Variants in WDR72 observed in about 807,000 individuals in gnomAD.
The protein encoded by WDR72 is WD repeat domain 72.
A neutral mutation model predicts 124.2 loss-of-function variants in WDR72; 120 were observed. That is an observed-to-expected ratio of 0.97 (90% CI 0.83 to 1.12). The LOEUF (loss-of-function observed/expected upper bound fraction) is 1.12. Ranked by LOEUF, WDR72 falls within the 50% of genes most tolerant of loss-of-function variation. The probability of loss-of-function intolerance (pLI) is 0.00; values close to 1 mark genes in which losing one functional copy is unlikely to be tolerated. For synonymous variants in WDR72, 452 were observed against 441.7 expected, an observed-to-expected ratio of 1.02 and a Z score of -0.29; for missense variants, 1,387 against 1,278.8, an observed-to-expected ratio of 1.08 and a Z score of -1.29.
At chr15:53,735,688 T>C (rs1473418388) in intron 1 of WDR72, among the ~76,000 whole-genome samples, 2 of 152,140 alleles carry the variant, frequency 1.3e-5, no homozygotes, top group Admixed American at 1.3e-4. Context: ...TTAGCCCCAG[T>C]AGCAAATAAT....
In WDR72 at chr15:53,705,922, C is replaced by T. The variant is rs753187035; in HGVS notation, c.1102+5G>A. 10 of 1,613,900 alleles carry T rather than the reference C, an allele frequency of 6.2e-6. No homozygotes were observed. The Admixed American group carries it at 1.3e-4, about 22-fold the overall frequency. On this transcript the variant is annotated splice_donor_5th_base_variant and intron_variant, in intron 10 of 19. Coordinates refer to ENST00000360509, the MANE Select transcript of WDR72 (RefSeq NM_182758.4). Reference sequence around the variant, plus strand: ...ACATGTTACTAGAAAAGGAAACTGACTTACCTCTAGGAGAACCATCAAACT... The same window carrying T: ...ACATGTTACTAGAAAAGGAAACTGATTTACCTCTAGGAGAACCATCAAACT...
chr15:53,718,813 A>C (rs1043337486), intron 3 of WDR72, among the ~76,000 whole-genome samples: 7 of 150,372 alleles, frequency 4.7e-5, no homozygotes, highest in African/African-American at 1.7e-4. Flanking sequence ...TAAAAACCTT[A>C]AGATTTTTAA....
At chr15:53,548,561 AT>A (rs1399898218) in intron 18 of WDR72, among the ~76,000 whole-genome samples, 1 of 152,050 alleles carries the variant, frequency 6.6e-6, no homozygotes, top group African/African-American at 2.4e-5. Context: ...GGCAATGGGA[AT>A]TGGGGTGAGG....
rs1184995027 is a variant in WDR72, at chr15:53,665,753, T to C, written c.1781A>G (p.His594Arg). 6.2e-6 allele frequency: 10 copies of C among 1,613,652 alleles called. No homozygotes were observed. Among genetic ancestry groups the C allele is most frequent in the East Asian group, 2.2e-5 (1 of 44,878 alleles). ...AATTCGTGCTCTTTCTCCTGTCTCATGTCTTTCCAAAGTGCCTGGAAAACA... is the reference window on the plus strand; with the variant it reads ...AATTCGTGCTCTTTCTCCTGTCTCACGTCTTTCCAAAGTGCCTGGAAAACA... ...WEIETGTLER[H>R]ETGERARIIL... The change falls in exon 14 of 20, where the codon CAT becomes CGT. Residue 594 changes from histidine (H) to arginine (R), a missense_variant. Transcript: ENST00000360509.
chr15:53,724,491 A>T (rs1352384628), intron 2 of WDR72, among the ~76,000 whole-genome samples: 1 of 152,202 alleles, frequency 6.6e-6, no homozygotes, highest in Non-Finnish European at 1.5e-5. Context: ...GAAACTTACA[A>T]TCATGGTGGA....
At chr15:53,623,942 T>C (rs1003146809) in intron 14 of WDR72, among the ~76,000 whole-genome samples, 2 of 152,224 alleles carry the variant, frequency 1.3e-5, no homozygotes, top group Non-Finnish European at 2.9e-5. Flanking sequence ...ACTAGTGATG[T>C]TGAGCATCTT....
chr15:53,732,978 A>G lies in WDR72; in HGVS notation c.153+19T>C. Reference sequence around the variant, plus strand: ...TTTTGTGAGTGGTGTCTGTTTCAATATCAGTAGCTTTCACTAACCTTTAGT... The same window carrying G: ...TTTTGTGAGTGGTGTCTGTTTCAATGTCAGTAGCTTTCACTAACCTTTAGT... On this transcript the variant is annotated intron_variant, in intron 2 of 19. Transcript: ENST00000360509. The G allele has an allele frequency of 1.2e-6, 2 of 1,614,006 alleles. No individual in the cohort carries two copies. Among genetic ancestry groups the G allele is most frequent in the Non-Finnish European group, 1.7e-6 (2 of 1,179,908 alleles).
chr15:53,651,762 C>G (rs2015249412), intron 14 of WDR72, among the ~76,000 whole-genome samples: 1 of 152,156 alleles, frequency 6.6e-6, no homozygotes, highest in Non-Finnish European at 1.5e-5. Flanking sequence ...AAGCAATTCT[C>G]CTGTCTCAGC....
At chr15:53,523,436 T>C in intron 18 of WDR72, 114 bp from the exon 19 acceptor site, 1 of 940,388 alleles carries the variant, frequency 1.1e-6, no homozygotes, top group South Asian at 1.3e-5. Context: ...AGGGACACAC[T>C]ATGTAAACAC....
At chr15:53,733,470 C>G (rs1327936501) in intron 1 of WDR72, among the ~76,000 whole-genome samples, 2 of 152,170 alleles carry the variant, frequency 1.3e-5, no homozygotes, top group Non-Finnish European at 2.9e-5. Flanking sequence ...CAACTTGCTG[C>G]AAAGTCCTGC....
chr15:53,573,649 G>A (rs1287864431), intron 18 of WDR72, among the ~76,000 whole-genome samples: 3 of 151,924 alleles, frequency 2.0e-5, no homozygotes, highest in South Asian at 2.1e-4. Context: ...GTGTTCAAGC[G>A]ATGCTCCTGC....
intron 18 of WDR72, among the ~76,000 whole-genome samples, chr15:53,548,232 A>G (rs1417983434): frequency 6.6e-6 from 1 of 152,236 alleles, no homozygotes; most frequent in Non-Finnish European, 1.5e-5. Context: ...GCACTGAACC[A>G]TATACCTGTT....
chr15:53,616,100 G>C lies in WDR72; in HGVS notation c.2106C>G (p.Asp702Glu). 1 of 1,605,432 alleles carries C rather than the reference G, an allele frequency of 6.2e-7. No homozygotes were observed. The highest frequency in any genetic ancestry group is 1.1e-5 in the South Asian group (1 of 90,276). ...CACCACCATAGAATGAACTGGAAGA[G>C]TCAACATCACTGAGTGGAGTTGGTA... ...LLLPTPLSDV[D>E]SSSSFYGGEV... The change falls in exon 15 of 20, where the codon GAC becomes GAG. Residue 702 changes from aspartate to glutamate, a missense_variant. By Grantham distance (45) the Asp-to-Glu change is conservative. Transcript: ENST00000360509.
chr15:53,705,789 A>G (rs1263728166), intron 10 of WDR72, 138 bp downstream of exon 10: 3 of 996,946 alleles, frequency 3.0e-6, no homozygotes, highest in Non-Finnish European at 4.6e-6. Flanking sequence ...ACCTGCTTTC[A>G]TGTTGTCATT....
intron 1 of WDR72, among the ~76,000 whole-genome samples, chr15:53,756,152 G>A (rs1454919735): frequency 6.6e-6 from 1 of 152,200 alleles, no homozygotes; most frequent in Non-Finnish European, 1.5e-5. Context: ...CATGTGGTGG[G>A]AGGGACCCAG....
At chr15:53,627,936 C>T (rs1366565700) in intron 14 of WDR72, among the ~76,000 whole-genome samples, 1 of 152,114 alleles carries the variant, frequency 6.6e-6, no homozygotes, top group Admixed American at 6.5e-5. Flanking sequence ...ACTCAGCTAA[C>T]TCATCAGATT....
At chr15:53,558,451 C>T (rs555961560) in intron 18 of WDR72, among the ~76,000 whole-genome samples, 1 of 152,152 alleles carries the variant, frequency 6.6e-6, no homozygotes, top group Admixed American at 6.6e-5. Context: ...CTATGTATCA[C>T]ATTAGACAAT....
intron 18 of WDR72, among the ~76,000 whole-genome samples, chr15:53,557,770 A>G (rs985556182): frequency 3.9e-5 from 6 of 152,048 alleles, no homozygotes; most frequent in South Asian, 2.1e-4. Context: ...AATAGCATCT[A>G]AGGTTTCTAT....
chr15:53,757,758 A>G (rs2018949491), intron 1 of WDR72, among the ~76,000 whole-genome samples: 1 of 152,238 alleles, frequency 6.6e-6, no homozygotes, highest in Admixed American at 6.5e-5. Flanking sequence ...TGAATTGTCA[A>G]GCTACAAAGA....
Sources: allele counts gnomAD v4.1 joint callset (sites outside exome capture counted in the v4.1 genomes callset), GRCh38; gene constraint gnomAD v4.1.1; transcripts MANE v1.5; gene names NCBI Gene and HGNC (gene_info 2026-07-23, HGNC 2026-07-21).